SEC14L6: variants seen among roughly 807,000 people sequenced by gnomAD.
SEC14L6 encodes SEC14-like protein 6.
In SEC14L6, 40 loss-of-function variants were observed where a neutral mutation model predicts 54.1. The ratio of observed to expected loss-of-function variants is 0.74; its 90% CI spans 0.57 to 0.96. The LOEUF is 0.96. Among genes scored for constraint, SEC14L6 ranks in the 40% least tolerant of loss-of-function variants. The pLI, the probability that SEC14L6 is intolerant of heterozygous loss-of-function variation, is 0.00. For synonymous variants in SEC14L6, 171 were observed against 198.4 expected, an observed-to-expected ratio of 0.86 and a Z score of 1.16; for missense variants, 471 against 498.3, an observed-to-expected ratio of 0.95 and a Z score of 0.52.
Position 30,532,797 on chromosome 22 carries a change from C to T in SEC14L6, c.234G>A (p.Glu78=). The change falls in exon 4 of 12, where the codon GAG becomes GAA. Residue 78 remains glutamate (E), a splice_region_variant and synonymous_variant. Coordinates refer to ENST00000402034, the MANE Select transcript of SEC14L6 (RefSeq NM_001193336.4). The stretch of plus-strand genomic sequence containing the variant: ...GGGTATGGGTTTGAGAGATGCTCAC[C>T]TCTGGGGGCTGCCAGGCAAGGATGT... ...LANILAWQPP[E]VVRLYNANGI... 1.2e-6 allele frequency: 2 copies of T among 1,613,274 alleles called. No homozygotes were observed. Among genetic ancestry groups the T allele is most frequent in the Non-Finnish European group, 1.7e-6 (2 of 1,179,744 alleles).
At chr22:30,546,456 G>A (rs1227083661) in intron 1 of SEC14L6, among the ~76,000 whole-genome samples, 173 bp downstream of exon 1, 3 of 151,934 alleles carry the variant, frequency 2.0e-5, no homozygotes, top group Non-Finnish European at 2.9e-5. Flanking sequence ...TTGTGGTGGC[G>A]TGGTATTTCT....
At chr22:30,540,367 C>CTCTT (rs1568974219) in intron 1 of SEC14L6, among the ~76,000 whole-genome samples, 2 of 114,060 alleles carry the variant, frequency 1.8e-5, no homozygotes, top group Non-Finnish European at 3.5e-5. Flanking sequence ...CTTTTTGTTC[C>CTCTT]TTTTTTTTTT....
chr22:30,546,638 C>T lies in SEC14L6; in HGVS notation c.45G>A (p.Ser15=), dbSNP rs756705918. The T allele has an allele frequency of 7.7e-6, 12 of 1,550,212 alleles. No homozygotes were observed. Among genetic ancestry groups the T allele is most frequent in the South Asian group, 1.2e-5 (1 of 84,052 alleles). Residue 15 remains serine (S), a synonymous_variant, in exon 1 of 12, where the codon TCG becomes TCA. Transcript: ENST00000402034. ...CTCTCCCTTCACTCACCTGGGCCAG[C>T]GACTTCTCCTGCGATGGGCTCAGGT... ...VGDLSPSQEK[S]LAQFRENIQD... is the part of the protein sequence containing the mutation.
At chr22:30,525,780 G>A in intron 9 of SEC14L6, 30 bp from the exon 10 acceptor site, 6 of 1,613,782 alleles carry the variant, frequency 3.7e-6, no homozygotes, top group Non-Finnish European at 5.1e-6. Context: ...GTGGGCACTA[G>A]GTCACAGCTT....
intron 8 of SEC14L6, among the ~76,000 whole-genome samples, chr22:30,526,405 A>G (rs926844304): frequency 2.6e-5 from 4 of 152,198 alleles, no homozygotes; most frequent in African/African-American, 9.7e-5. Flanking sequence ...GTTCCCCACA[A>G]GCTGCTCTGA....
chr22:30,537,731 CCAAT>C (rs1201102805), intron 2 of SEC14L6, among the ~76,000 whole-genome samples: 3 of 152,210 alleles, frequency 2.0e-5, no homozygotes, highest in Non-Finnish European at 2.9e-5. Flanking sequence ...CTGATGTTAA[CCAAT>C]CAGTTATCTT....
intron 5 of SEC14L6, 175 bp downstream of exon 5, chr22:30,532,350 G>T: frequency 1.1e-6 from 1 of 940,174 alleles, no homozygotes; most frequent in Non-Finnish European, 1.3e-6. Flanking sequence ...TCCCAGTTCA[G>T]CCACATACTG....
chr22:30,545,560 A>G (rs2085789904), intron 1 of SEC14L6, among the ~76,000 whole-genome samples: 1 of 151,550 alleles, frequency 6.6e-6, no homozygotes, highest in Non-Finnish European at 1.5e-5. Context: ...ACACCCAGCT[A>G]TTTGTTGTTG....
chr22:30,528,698 A>T (rs145040326), intron 8 of SEC14L6, among the ~76,000 whole-genome samples: 96 of 152,220 alleles, frequency 6.3e-4, no homozygotes, highest in African/African-American at 2.2e-3. Flanking sequence ...TGCTGGGATT[A>T]CAGGCATGAG....
intron 5 of SEC14L6, 48 bp downstream of exon 5, chr22:30,532,477 T>G: frequency 6.7e-7 from 1 of 1,493,088 alleles, no homozygotes; most frequent in Non-Finnish European, 9.0e-7. Context: ...GCTCAGGGGG[T>G]GAGGGTGCTG....
intron 3 of SEC14L6, chr22:30,533,221 C>A: frequency 1.1e-5 from 10 of 915,046 alleles, no homozygotes; most frequent in Non-Finnish European, 1.3e-5. Context: ...ACAAGGCCTG[C>A]AGAGCCTGGC....
intron 1 of SEC14L6, chr22:30,543,180 C>T (rs949537225): frequency 3.7e-6 from 6 of 1,603,218 alleles, no homozygotes; most frequent in East Asian, 2.2e-5. Flanking sequence ...CAAGAGAGAG[C>T]GTGTCCTACA....
chr22:30,533,208 C>A (rs867313178), intron 3 of SEC14L6: 3 of 954,838 alleles, frequency 3.1e-6, no homozygotes, highest in African/African-American at 1.8e-5. Flanking sequence ...CCTATACCCC[C>A]CTACAAGGCC....
rs755173878 is a variant in SEC14L6 at position 30,525,742 on chromosome 22, G to A, written c.780C>T (p.Tyr260=). 245 of 1,613,698 alleles carry A rather than the reference G, an allele frequency of 1.5e-4. 1 individual carries two copies. Among genetic ancestry groups the A allele is most frequent in the Non-Finnish European group, 1.8e-4 (214 of 1,179,836 alleles). The change falls in exon 10 of 12, where the codon TAC becomes TAT. Residue 260 remains tyrosine (Y), a synonymous_variant. Transcript: ENST00000402034. ...GNPKCLTKIN[Y]GGEVPKSYYL... is the part of the protein sequence containing the mutation. ...AGTAGCTCTTGGGCACCTCACCCCC[G>A]TAGTTGATCTGTGGGTGAAGGGGGT...
chr22:30,543,280 G>T, intron 1 of SEC14L6: 1 of 1,584,946 alleles, frequency 6.3e-7, no homozygotes, highest in South Asian at 1.1e-5. Flanking sequence ...CTTGCGGGGG[G>T]ACTCTTTTCG....
rs7291376 is a variant in SEC14L6, at chr22:30,543,181, G to A, written c.54+3448C>T. Reference sequence around the variant, plus strand: ...CAACGTGGACCCCGCAAGAGAGAGCGTGTCCTACAGCATCCACAGCACAGC... The same window carrying A: ...CAACGTGGACCCCGCAAGAGAGAGCATGTCCTACAGCATCCACAGCACAGC... On this transcript the variant is annotated intron_variant, in intron 1 of 11. Coordinates refer to ENST00000402034, the MANE Select transcript of SEC14L6 (RefSeq NM_001193336.4). 1.3e-3 allele frequency: 2,092 copies of A among 1,603,184 alleles called. 28 individuals carry two copies. The African/African-American group carries it at 0.023, about 17-fold the overall frequency.
At chr22:30,542,588 C>G in intron 1 of SEC14L6, 2 of 1,483,306 alleles carry the variant, frequency 1.3e-6, no homozygotes, top group Non-Finnish European at 1.8e-6. Context: ...GCCCGCGGGC[C>G]GGTCCCCGGC....
rs1275240231 is a variant in SEC14L6 at position 30,524,367 on chromosome 22, A to G, written c.*630T>C. Reference sequence around the variant, plus strand: ...AGCTATACTATATTTCAAATTTCCTATTAATACTATTTTATTTTATTTTTT... The same window carrying G: ...AGCTATACTATATTTCAAATTTCCTGTTAATACTATTTTATTTTATTTTTT... On this transcript the variant is annotated 3_prime_UTR_variant, in exon 12 of 12. Transcript: ENST00000402034. 6.6e-6 allele frequency: 1 copy of G among 151,972 alleles called. No individual in the cohort carries two copies. Among genetic ancestry groups the G allele is most frequent in the Non-Finnish European group, 1.5e-5 (1 of 68,002 alleles). The allele number at this position is 151,972 out of a possible 1,614,324, so 9.4% of individuals were successfully genotyped here. A position where few individuals can be genotyped will look rare whatever the true frequency, so the allele number is the denominator to read the frequency against.
intron 1 of SEC14L6, among the ~76,000 whole-genome samples, chr22:30,540,363 GTTCC>G (rs1395179143): frequency 1.8e-5 from 2 of 112,866 alleles, no homozygotes; most frequent in Admixed American, 8.6e-5. Flanking sequence ...CCTCCTTTTT[GTTCC>G]TTTTTTTTTT....
Sources: allele counts gnomAD v4.1 joint callset (sites outside exome capture counted in the v4.1 genomes callset), GRCh38; gene constraint gnomAD v4.1.1; transcripts MANE v1.5; gene names NCBI Gene and HGNC (gene_info 2026-07-23, HGNC 2026-07-21).